Variants in NDST4 observed in about 807,000 individuals in gnomAD.
The protein encoded by NDST4 is N-heparan sulfate sulfotransferase 4.
Under a neutral mutation model 100.8 loss-of-function variants are expected in NDST4, and 63 were observed. The ratio of observed to expected loss-of-function variants is 0.62; its 90% confidence interval spans 0.51 to 0.77. The LOEUF is 0.77. Among genes scored for constraint, NDST4 ranks in the 30% least tolerant of loss-of-function variants. The pLI is 0.00. For missense variants in NDST4, 943 were observed against 1,018.4 expected (o/e 0.93, Z 1.01); for synonymous variants, 377 against 361.8 (o/e 1.04, Z -0.48).
chr4:114,997,227 T>C (rs1006302477), intron 2 of NDST4, among the ~76,000 whole-genome samples: 1 of 152,126 alleles, frequency 6.6e-6, no homozygotes, highest in Non-Finnish European at 1.5e-5. Context: ...TAACTAGTCC[T>C]CTTATAAACC....
chr4:114,956,531 G>A (rs549735832), intron 4 of NDST4, among the ~76,000 whole-genome samples: 1 of 152,152 alleles, frequency 6.6e-6, no homozygotes, highest in South Asian at 2.1e-4. Context: ...CACTCTTTGG[G>A]TCAGTAAAAG....
At chr4:115,028,574 A>T (rs932607004) in intron 2 of NDST4, among the ~76,000 whole-genome samples, 1 of 152,192 alleles carries the variant, frequency 6.6e-6, no homozygotes, top group African/African-American at 2.4e-5. Flanking sequence ...ACCAAAAAAA[A>T]AAAAATGTAT....
At chr4:115,021,007 T>C (rs910799800) in intron 2 of NDST4, among the ~76,000 whole-genome samples, 2 of 152,006 alleles carry the variant, frequency 1.3e-5, no homozygotes, top group Admixed American at 6.6e-5. Context: ...AATGTGGAGA[T>C]TCCTTAAAGA....
chr4:114,900,562 A>G (rs1443302815), intron 6 of NDST4, among the ~76,000 whole-genome samples: 1 of 152,152 alleles, frequency 6.6e-6, no homozygotes. Context: ...AATACCAACC[A>G]CTGTGTTACA....
chr4:114,884,737 T>A (rs1424865649), intron 6 of NDST4, among the ~76,000 whole-genome samples: 2 of 152,146 alleles, frequency 1.3e-5, no homozygotes, highest in African/African-American at 4.8e-5. Context: ...AGTGAAGAAG[T>A]CATAGAAAGC....
At chr4:115,011,623 C>G (rs1727549514) in intron 2 of NDST4, among the ~76,000 whole-genome samples, 1 of 151,762 alleles carries the variant, frequency 6.6e-6, no homozygotes, top group Non-Finnish European at 1.5e-5. Flanking sequence ...TAATAATAAA[C>G]AATAAAAATC....
chr4:115,069,975 AAT>A (rs1436296640), intron 2 of NDST4, among the ~76,000 whole-genome samples: 2 of 152,188 alleles, frequency 1.3e-5, no homozygotes, highest in Non-Finnish European at 2.9e-5. Flanking sequence ...TATTGGTTGG[AAT>A]GTAAATTAGT....
At chr4:114,933,566 C>A (rs1478400593) in intron 6 of NDST4, among the ~76,000 whole-genome samples, 1 of 148,290 alleles carries the variant, frequency 6.7e-6, no homozygotes, top group Non-Finnish European at 1.5e-5. Flanking sequence ...GTGAAAAAGA[C>A]AACCTATGGA....
At position 114,880,527 on chromosome 4, in the gene NDST4, C is replaced by T. The variant is rs139978422; in HGVS notation, c.1537-9577G>A. ...AGGAGAAAACATGTCCATTAGTAAT[C>T]AGTGTAAGCTTCACTGACAACCTCA... On this transcript the variant is annotated intron_variant, in intron 6 of 13. Coordinates refer to ENST00000264363, the MANE Select transcript of NDST4 (RefSeq NM_022569.3). Among the ~76,000 whole-genome samples, 30 of 152,254 alleles carry T rather than the reference C, an allele frequency of 2.0e-4. 1 individual carries two copies. In the East Asian group the frequency reaches 5.8e-3, roughly 29 times the overall value.
rs541758857 is a variant in NDST4 at position 114,935,911 on chromosome 4, A to C, written c.1408-577T>G. Among the ~76,000 whole-genome samples the C allele has an allele frequency of 4.0e-3, 604 of 152,238 alleles. 2 individuals are homozygous for C. The highest frequency in any genetic ancestry group is 6.6e-3 in the Non-Finnish European group (446 of 68,010). On this transcript the variant is annotated intron_variant, in intron 5 of 13. Transcript: ENST00000264363. The stretch of plus-strand genomic sequence containing the variant: ...GAATGTTTAATAAAGAAAGCAAATA[A>C]GTAATTTTATTCCAAAATCATATTT...
rs1022696280 is a variant in NDST4, at chr4:114,983,864, G to T, written c.979-6590C>A. On this transcript the variant is annotated intron_variant, in intron 2 of 13. Transcript: ENST00000264363. ...TGAAGGAGATTGGATCATGAGGGTG[G>T]TTTCTAATGGTTTCGCACTATCCCC... Among the ~76,000 whole-genome samples the T allele has an allele frequency of 4.6e-5, 7 of 152,246 alleles. 1 individual carries two copies. The South Asian group carries it at 1.5e-3, about 32-fold the overall frequency.
rs551638691 is a variant in NDST4 at position 114,961,116 on chromosome 4, A to G, written c.1221+9314T>C. The stretch of plus-strand genomic sequence containing the variant: ...TGAAACTCTTAAGCAGCCACTAGGA[A>G]TAAATCACAAGGGAGATTAGGAAAT... On this transcript the variant is annotated intron_variant, in intron 4 of 13. Transcript: ENST00000264363. Among the ~76,000 whole-genome samples, 82 of 152,218 alleles carry G rather than the reference A, an allele frequency of 5.4e-4. No homozygotes were observed. In the South Asian group the frequency reaches 0.011, roughly 21 times the overall value.
intron 2 of NDST4, among the ~76,000 whole-genome samples, chr4:115,002,709 C>T (rs535889407): frequency 6.6e-6 from 1 of 152,050 alleles, no homozygotes; most frequent in African/African-American, 2.4e-5. Flanking sequence ...ACCATTTGAC[C>T]CAGGAATCCC....
intron 6 of NDST4, among the ~76,000 whole-genome samples, chr4:114,916,852 T>C (rs1374211489): frequency 1.3e-5 from 2 of 151,610 alleles, no homozygotes; most frequent in South Asian, 2.1e-4. Context: ...TCTGTTGTAT[T>C]TTTTTTTCTC....
chr4:115,026,103 T>G (rs1727978340), intron 2 of NDST4, among the ~76,000 whole-genome samples: 1 of 152,108 alleles, frequency 6.6e-6, no homozygotes, highest in African/African-American at 2.4e-5. Flanking sequence ...ATATTCCCCT[T>G]TCAACTCCTT....
chr4:114,950,173 C>G (rs984456058), intron 4 of NDST4, among the ~76,000 whole-genome samples: 4 of 152,008 alleles, frequency 2.6e-5, no homozygotes, highest in African/African-American at 9.7e-5. Context: ...ATATTCTGGA[C>G]CACATGAGCT....
intron 6 of NDST4, among the ~76,000 whole-genome samples, chr4:114,879,641 G>C (rs540266475): frequency 3.3e-5 from 5 of 152,062 alleles, no homozygotes; most frequent in African/African-American, 1.2e-4. Flanking sequence ...TCTTCAATGA[G>C]TAGTAAAATA....
At chr4:115,111,284 T>C (rs1037289466) in intron 1 of NDST4, among the ~76,000 whole-genome samples, 1 of 151,918 alleles carries the variant, frequency 6.6e-6, no homozygotes, top group Admixed American at 6.6e-5. Flanking sequence ...AATCCAAGTA[T>C]AGAATGCTTT....
intron 2 of NDST4, among the ~76,000 whole-genome samples, chr4:115,038,279 A>G (rs569718786): frequency 6.6e-6 from 1 of 152,280 alleles, no homozygotes; most frequent in South Asian, 2.1e-4. Flanking sequence ...AAATATAGTT[A>G]TTGAATAGGA....
Sources: allele counts gnomAD v4.1 joint callset (sites outside exome capture counted in the v4.1 genomes callset), GRCh38; gene constraint gnomAD v4.1.1; transcripts MANE v1.5; gene names NCBI Gene and HGNC (gene_info 2026-07-23, HGNC 2026-07-21).